Variants in DYSF observed in about 807,000 individuals in gnomAD.
DYSF encodes the protein dystrophy-associated fer-1-like 1.
Under a neutral mutation model 274.9 loss-of-function variants are expected in DYSF, and 212 were observed. The ratio of observed to expected loss-of-function variants is 0.77; its 90% CI spans 0.69 to 0.86. DYSF has a LOEUF of 0.86. Ranked by LOEUF, DYSF falls within the 40% of genes least tolerant of loss-of-function variation. The pLI is 0.00. For missense variants in DYSF, 2,666 were observed against 2,783.2 expected, an observed-to-expected ratio of 0.96 and a Z score of 0.95; for synonymous variants, 1,091 against 1,078.7, an observed-to-expected ratio of 1.01 and a Z score of -0.22.
chr2:71,508,633 T>C (rs55844464), intron 4 of DYSF, among the ~76,000 whole-genome samples: 19,020 of 152,206 alleles, frequency 0.12, 1,466 homozygotes, highest in African/African-American at 0.23. Flanking sequence ...GTAACACTGA[T>C]GCTGCGTGGC....
chr2:71,542,242 C>T (rs2089988922), intron 17 of DYSF, among the ~76,000 whole-genome samples: 1 of 152,180 alleles, frequency 6.6e-6, no homozygotes, highest in East Asian at 1.9e-4. Flanking sequence ...CTTAAAGTAA[C>T]ATTTGCTGTT....
rs187113149 is a variant in DYSF at position 71,481,103 on chromosome 2, G to A, written c.147+165G>A. 3.0e-4 allele frequency among the ~76,000 whole-genome samples: 46 copies of A among 152,302 alleles called. 1 individual carries two copies. The East Asian group carries it at 7.9e-3, about 26-fold the overall frequency. ...GAAATCCTTCTTGCTCTAGGAACCT[G>A]GGAGGAGGGTTGGTGGCCTGGCCTA... On this transcript the variant is annotated intron_variant, in intron 2 of 55. Transcript: ENST00000410020.
chr2:71,598,381 G>A (rs1181291582), intron 32 of DYSF, among the ~76,000 whole-genome samples, 183 bp from the exon 33 acceptor site: 1 of 152,224 alleles, frequency 6.6e-6, no homozygotes, highest in Non-Finnish European at 1.5e-5. Context: ...GTGGCCTCCA[G>A]CTGGCCTCAT....
At chr2:71,462,178 T>C (rs2152633735), upstream of DYSF, among the ~76,000 whole-genome samples, 1 of 152,306 alleles carries the variant, frequency 6.6e-6, no homozygotes, top group Admixed American at 6.5e-5. Context: ...AGCCAGGCAC[T>C]GAACAGCAAG....
chr2:71,656,069 A>G, intron 42 of DYSF, 93 bp from the exon 43 acceptor site: 1 of 1,477,098 alleles, frequency 6.8e-7, no homozygotes, highest in Non-Finnish European at 9.4e-7. Flanking sequence ...TCACACTGTC[A>G]TGTTTCCCCT....
intron 8 of DYSF, 94 bp from the exon 9 acceptor site, chr2:71,516,086 C>A: frequency 1.6e-6 from 2 of 1,252,044 alleles, no homozygotes; most frequent in Non-Finnish European, 2.3e-6. Flanking sequence ...GACTAAACTG[C>A]TAGGCGTGGA....
Position 71,668,851 on chromosome 2 carries a change from C to T in DYSF, c.5546+9C>T, listed in dbSNP as rs1309418010. ...CCACGGAGAGCCAGAAGGTGACTTG[C>T]CCAGCCACAGGCTCTGAGCTGGGCT... On this transcript the variant is annotated intron_variant, in intron 49 of 55. Transcript: ENST00000410020. 3 of 1,611,888 alleles carry T rather than the reference C, an allele frequency of 1.9e-6. No homozygotes were observed. The highest frequency in any genetic ancestry group is 2.2e-5 in the East Asian group (1 of 44,736).
chr2:71,536,248 T>C lies in DYSF; in HGVS notation c.1493+937T>C, dbSNP rs189947222. Among the ~76,000 whole-genome samples, 427 of 152,276 alleles carry C rather than the reference T, an allele frequency of 2.8e-3. 1 individual carries two copies. Among genetic ancestry groups the C allele is most frequent in the Non-Finnish European group, 4.6e-3 (316 of 68,020 alleles). ...CCCAGCGTGTTCTCCTCTGGTCTCA[T>C]GCCCATGACACCCCCAACCAGGAGG... is the stretch of plus-strand genomic sequence containing the variant. On this transcript the variant is annotated intron_variant, in intron 16 of 55. Transcript: ENST00000410020.
At chr2:71,598,920 G>A (rs773853462) in intron 33 of DYSF, among the ~76,000 whole-genome samples, 175 bp downstream of exon 33, 31 of 152,184 alleles carry the variant, frequency 2.0e-4, no homozygotes, top group African/African-American at 3.4e-4. Context: ...CACAGATGCC[G>A]TTCCCACAGC....
intron 48 of DYSF, among the ~76,000 whole-genome samples, chr2:71,668,255 T>C (rs1457910449): frequency 6.6e-6 from 1 of 152,206 alleles, no homozygotes; most frequent in African/African-American, 2.4e-5. Flanking sequence ...GTGTGGAAAC[T>C]TCAGCTCTTT....
chr2:71,566,203 A>C, intron 24 of DYSF, among the ~76,000 whole-genome samples: 2 of 80,230 alleles, frequency 2.5e-5, no homozygotes, highest in Non-Finnish European at 2.4e-5. Context: ...TGACCGGGGA[A>C]GGCGGTCTGC....
At chr2:71,454,223 C>A in intron 1 of DYSF, 1 of 863,042 alleles carries the variant, frequency 1.2e-6, no homozygotes, top group Non-Finnish European at 1.9e-6. Flanking sequence ...TTGAGTGTTG[C>A]AACGACACAG....
At chr2:71,653,915 TAAACAC>T (rs1558736262) in intron 42 of DYSF, among the ~76,000 whole-genome samples, 8 of 151,732 alleles carry the variant, frequency 5.3e-5, no homozygotes, top group Non-Finnish European at 1.0e-4. Flanking sequence ...AAATATAACA[TAAACAC>T]AAACATAAAC....
At chr2:71,638,390 C>CATT (rs2152919319) in intron 41 of DYSF, among the ~76,000 whole-genome samples, 2 of 147,826 alleles carry the variant, frequency 1.4e-5, no homozygotes, top group South Asian at 4.2e-4. Flanking sequence ...TACTGAAGAG[C>CATT]ATTTATTCCT....
At chr2:71,667,242 T>C (rs764696650) in intron 47 of DYSF, 134 bp from the exon 48 acceptor site, 7 of 1,266,924 alleles carry the variant, frequency 5.5e-6, no homozygotes, top group Non-Finnish European at 8.0e-6. Context: ...AGTGCATCTG[T>C]GCTGGGGGTG....
Position 71,615,473 on chromosome 2 carries a change from A to G in DYSF, c.4464+2063A>G, listed in dbSNP as rs114123897. Among the ~76,000 whole-genome samples, 256 of 152,286 alleles carry G rather than the reference A, an allele frequency of 1.7e-3. No individual in the cohort carries two copies. Among genetic ancestry groups the G allele is most frequent in the African/African-American group, 5.5e-3 (230 of 41,576 alleles). On this transcript the variant is annotated intron_variant, in intron 40 of 55. Transcript: ENST00000410020. This position sits in a 1 kb window ranked among gnomAD's most constrained non-coding sequence, Gnocchi z 4.9. Reference sequence around the variant, plus strand: ...TGAAAGAGACAAAACTCTGTTCTCAAAAGCCTCAAACCCAGCAGGGAGACC... The same window carrying G: ...TGAAAGAGACAAAACTCTGTTCTCAGAAGCCTCAAACCCAGCAGGGAGACC...
chr2:71,583,910 CAG>C (rs2092977781), intron 30 of DYSF, among the ~76,000 whole-genome samples: 1 of 152,166 alleles, frequency 6.6e-6, no homozygotes, highest in Non-Finnish European at 1.5e-5. Flanking sequence ...CTCTGGGAGG[CAG>C]AGAGTTCCTC....
chr2:71,605,994 T>C (rs1329254846), intron 36 of DYSF, among the ~76,000 whole-genome samples: 4 of 152,160 alleles, frequency 2.6e-5, no homozygotes. Context: ...CTGCAGCGTC[T>C]TCTGTCCTCT....
intron 45 of DYSF, among the ~76,000 whole-genome samples, chr2:71,661,211 CTT>C (rs2094876051): frequency 7.0e-6 from 1 of 141,930 alleles, no homozygotes; most frequent in Admixed American, 7.1e-5. Flanking sequence ...TTAAGATAAA[CTT>C]TTACTTTGGA....
Sources: allele counts gnomAD v4.1 joint callset (sites outside exome capture counted in the v4.1 genomes callset), GRCh38; gene constraint gnomAD v4.1.1; non-coding constraint Gnocchi (gnomAD v3.1); transcripts MANE v1.5; gene names NCBI Gene and HGNC (gene_info 2026-07-23, HGNC 2026-07-21).